CNKSR2: variants seen among roughly 807,000 people sequenced by gnomAD.
CNKSR2 encodes the protein CNK homolog protein 2.
CNKSR2 carries 14 observed loss-of-function variants against 84.4 expected under a neutral mutation model. The ratio of observed to expected loss-of-function variants is 0.17; its 90% CI spans 0.11 to 0.26. CNKSR2 has a LOEUF of 0.26. CNKSR2 is among the 10% of genes least tolerant of loss of function. CNKSR2 has a pLI of 1.00. For synonymous variants in CNKSR2, 275 were observed against 277.9 expected, an observed-to-expected ratio of 0.99 and a Z score of 0.10; for missense variants, 485 against 771.2, an observed-to-expected ratio of 0.63 and a Z score of 4.40.
In CNKSR2 at chrX:21,628,854, T is replaced by A. The variant is rs765863962; in HGVS notation, c.2692+19237T>A. ...ATTGTCTTGGTGATTAACATTCAGT[T>A]CCTTGTTACTTATGCAAATTTCTGC... On this transcript the variant is annotated intron_variant, in intron 20 of 21. Coordinates refer to ENST00000379510, the MANE Select transcript of CNKSR2 (RefSeq NM_014927.5). Among the ~76,000 whole-genome samples the A allele has an allele frequency of 8.0e-5, 9 of 112,610 alleles. 1 individual carries two copies. The highest frequency in any genetic ancestry group is 1.9e-4 in the African/African-American group (6 of 31,028).
intron 5 of CNKSR2, among the ~76,000 whole-genome samples, chrX:21,490,062 A>AT (rs1382882403): frequency 1.8e-5 from 2 of 111,166 alleles, no homozygotes; most frequent in Admixed American, 9.6e-5. Flanking sequence ...TCTTGGCCAG[A>AT]TTTTTTTTAA....
intron 20 of CNKSR2, among the ~76,000 whole-genome samples, chrX:21,630,033 ATGAC>A (rs1198954301): frequency 5.4e-5 from 6 of 112,146 alleles, no homozygotes; most frequent in Non-Finnish European, 1.1e-4. Context: ...TCTGAATAGA[ATGAC>A]TGAATTATAT....
intron 5 of CNKSR2, among the ~76,000 whole-genome samples, chrX:21,478,665 C>A (rs1297666153): frequency 9.0e-6 from 1 of 111,221 alleles, no homozygotes; most frequent in Non-Finnish European, 1.9e-5. Context: ...GAAAGAGCAG[C>A]AATCTGAGAG....
chrX:21,612,243 C>A (rs746547648), intron 20 of CNKSR2, among the ~76,000 whole-genome samples: 14 of 112,143 alleles, frequency 1.2e-4, no homozygotes, highest in Non-Finnish European at 1.5e-4. Flanking sequence ...ATCAAGCTGT[C>A]TGGTGTTATG....
chrX:21,386,979 ACT>A (rs1316905245), intron 1 of CNKSR2, among the ~76,000 whole-genome samples: 1 of 112,131 alleles, frequency 8.9e-6, no homozygotes, highest in Non-Finnish European at 1.9e-5. Flanking sequence ...GAATTTCATC[ACT>A]TTCTTTGAAA....
intron 6 of CNKSR2, among the ~76,000 whole-genome samples, chrX:21,497,180 G>A (rs997475031): frequency 7.2e-5 from 8 of 110,936 alleles, no homozygotes; most frequent in African/African-American, 2.6e-4. Context: ...TGGGGGAAGG[G>A]ATTGCTACAG....
intron 5 of CNKSR2, among the ~76,000 whole-genome samples, chrX:21,476,724 A>G (rs1436311075): frequency 8.9e-6 from 1 of 111,776 alleles, no homozygotes; most frequent in Non-Finnish European, 1.9e-5. Context: ...AATGGAACAG[A>G]CAATAGAATA....
intron 1 of CNKSR2, among the ~76,000 whole-genome samples, chrX:21,407,039 G>A (rs1167730619): frequency 9.0e-6 from 1 of 111,289 alleles, no homozygotes; most frequent in Non-Finnish European, 1.9e-5. Context: ...GTGATTTGGT[G>A]GCATTAGTAG....
chrX:21,643,597 A>G (rs1330821207), intron 20 of CNKSR2: 2 of 111,586 alleles, frequency 1.8e-5, no homozygotes, highest in African/African-American at 6.5e-5. Flanking sequence ...ATGTTGGTGG[A>G]GTCACTCAAA....
chrX:21,479,774 C>G (rs1337450968), intron 5 of CNKSR2, among the ~76,000 whole-genome samples: 1 of 109,902 alleles, frequency 9.1e-6, no homozygotes, highest in Non-Finnish European at 1.9e-5. Context: ...GGAAGACAAC[C>G]TTCGAGGATG....
At chrX:21,561,425 T>C (rs759810107) in intron 11 of CNKSR2, 46 bp from the exon 12 acceptor site, 3 of 997,815 alleles carry the variant, frequency 3.0e-6, no homozygotes, top group Middle Eastern at 2.6e-4. Flanking sequence ...TGAGCAGACA[T>C]GGGGAAGAAA....
intron 11 of CNKSR2, among the ~76,000 whole-genome samples, chrX:21,534,399 G>T (rs769702791): frequency 4.5e-5 from 5 of 110,199 alleles, no homozygotes; most frequent in Non-Finnish European, 9.5e-5. Context: ...ATACACATGG[G>T]AGTACAGATA....
In CNKSR2 at chrX:21,426,486, T is replaced by C. The variant is rs1465046531; in HGVS notation, c.65-11T>C. ...GTTTTCATTCTGGTCTTTCATACTTTTATTTTGTAGGTCTTGATGACTGTT... is the reference window on the plus strand; with the variant it reads ...GTTTTCATTCTGGTCTTTCATACTTCTATTTTGTAGGTCTTGATGACTGTT... On this transcript the variant is annotated splice_polypyrimidine_tract_variant and intron_variant, in intron 1 of 21. Transcript: ENST00000379510. 1 of 1,202,721 alleles carries C rather than the reference T, an allele frequency of 8.3e-7. No individual in the cohort carries two copies. Among genetic ancestry groups the C allele is most frequent in the East Asian group, 3.0e-5 (1 of 33,463 alleles).
intron 1 of CNKSR2, among the ~76,000 whole-genome samples, chrX:21,415,871 C>T (rs200475185): frequency 0.12 from 6,357 of 54,346 alleles, 579 homozygotes; most frequent in African/African-American, 0.29. Flanking sequence ...CACACACACA[C>T]ATATATATAT....
At chrX:21,503,472 C>G (rs1274115482) in intron 8 of CNKSR2, 1 of 272,370 alleles carries the variant, frequency 3.7e-6, no homozygotes, top group Non-Finnish European at 6.5e-6. Context: ...ATGCAATAAT[C>G]CTGCAAATAA....
chrX:21,397,590 G>A (rs2090136597), intron 1 of CNKSR2, among the ~76,000 whole-genome samples: 1 of 111,157 alleles, frequency 9.0e-6, no homozygotes, highest in African/African-American at 3.3e-5. Context: ...GAAGGGGAGT[G>A]GGGATGGGGA....
intron 4 of CNKSR2, among the ~76,000 whole-genome samples, chrX:21,462,163 G>T (rs2091069227): frequency 9.0e-6 from 1 of 111,612 alleles, no homozygotes; most frequent in African/African-American, 3.3e-5. Flanking sequence ...ATTAATCCAA[G>T]AACAAGCAAT....
intron 20 of CNKSR2, among the ~76,000 whole-genome samples, chrX:21,633,377 T>A (rs920199265): frequency 8.9e-6 from 1 of 112,479 alleles, no homozygotes; most frequent in Middle Eastern, 4.6e-3. Flanking sequence ...TCTTATTTTT[T>A]AAAATATATT....
chrX:21,444,617 C>G (rs183565001), intron 4 of CNKSR2, among the ~76,000 whole-genome samples: 2 of 110,633 alleles, frequency 1.8e-5, no homozygotes, highest in Admixed American at 1.9e-4. Flanking sequence ...AATGGCCACT[C>G]GAGTTATTTT....
Sources: gnomAD v4.1 joint callset for allele counts (sites outside exome capture counted in the v4.1 genomes callset) on GRCh38, gnomAD v4.1.1 for gene constraint, MANE v1.5 for transcripts, NCBI Gene and HGNC (gene_info 2026-07-23, HGNC 2026-07-21) for gene names.